The following CADPS2 variants were observed in gnomAD, a reference collection of about 807,000 sequenced individuals.
CADPS2 encodes the protein calcium-dependent secretion activator 2.
In CADPS2, 93 loss-of-function variants were observed where a neutral mutation model predicts 172.5. That is an observed-to-expected ratio of 0.54 (90% confidence interval 0.46 to 0.64). The LOEUF (loss-of-function observed/expected upper bound fraction) is 0.64, where lower values mean the gene tolerates loss of function less well. Ranked by LOEUF, CADPS2 falls within the 30% of genes least tolerant of loss-of-function variation. The probability of loss-of-function intolerance (pLI) is 0.00; values close to 1 mark genes in which losing one functional copy is unlikely to be tolerated. For missense variants in CADPS2, 1,420 were observed against 1,565.9 expected, an observed-to-expected ratio of 0.91 and a Z score of 1.57; for synonymous variants, 546 against 555.2, an observed-to-expected ratio of 0.98 and a Z score of 0.23.
chr7:122,361,131 ACAGCTGAGGT>A, intron 25 of CADPS2, 118 bp from the exon 26 acceptor site: 1 of 762,240 alleles, frequency 1.3e-6, no homozygotes, highest in East Asian at 2.7e-5. Flanking sequence ...GAATGAACTG[ACAGCTGAGGT>A]CAGACTAACT....
At position 122,471,254 on chromosome 7, in the gene CADPS2, TC is replaced by T. The variant is rs1282239870; in HGVS notation, c.2186+120del. 15 of 643,374 alleles carry T rather than the reference TC, an allele frequency of 2.3e-5. No individual in the cohort carries two copies. The East Asian group carries it at 4.0e-4, about 17-fold the overall frequency. 39.9% of individuals were successfully genotyped at this position (643,374 alleles called of 1,614,324 possible). ...TTTTTCTCTGTCGTTTTTTTTTTTT[TC>T]CTTGTAAGAAGTGTTTGCTATTTAC... On this transcript the variant is annotated intron_variant, in intron 14 of 29. Transcript: ENST00000449022.
chr7:122,396,777 A>G (rs1308117257), intron 20 of CADPS2, among the ~76,000 whole-genome samples: 2 of 152,122 alleles, frequency 1.3e-5, no homozygotes, highest in Non-Finnish European at 2.9e-5. Flanking sequence ...TTCTTGTCAT[A>G]CAAGTGGTCT....
At position 122,616,642 on chromosome 7, in the gene CADPS2, G is replaced by T. The variant is rs143081032; in HGVS notation, c.1105-1343C>A. On this transcript the variant is annotated intron_variant, in intron 5 of 29. Transcript: ENST00000449022. ...ATACCAACATATGAATCAAAATCAG[G>T]ACTTAACTGAAAACAGACTAAGAAA... is the stretch of plus-strand genomic sequence containing the variant. Among the ~76,000 whole-genome samples the T allele has an allele frequency of 8.3e-4, 127 of 152,184 alleles. 1 individual carries two copies. The East Asian group carries it at 8.7e-3, about 10-fold the overall frequency.
At chr7:122,705,812 T>A (rs2087104941) in intron 2 of CADPS2, among the ~76,000 whole-genome samples, 1 of 18,946 alleles carries the variant, frequency 5.3e-5, no homozygotes. Flanking sequence ...ATATATATGA[T>A]ATATAATAAT....
chr7:122,339,016 T>C (rs1170250721), intron 28 of CADPS2: 3 of 151,788 alleles, frequency 2.0e-5, no homozygotes, highest in Non-Finnish European at 4.4e-5. Context: ...CATTCTCACG[T>C]TGACCTCTTG....
chr7:122,680,586 C>T (rs970683611), intron 2 of CADPS2, among the ~76,000 whole-genome samples: 4 of 152,074 alleles, frequency 2.6e-5, no homozygotes, highest in African/African-American at 9.7e-5. Context: ...TGGTGGTGCA[C>T]GCCTGTAATC....
chr7:122,842,561 T>A (rs979569062), intron 1 of CADPS2, among the ~76,000 whole-genome samples: 4 of 152,074 alleles, frequency 2.6e-5, no homozygotes, highest in Non-Finnish European at 5.9e-5. Context: ...ACCAACAATA[T>A]GATAATACAG....
intron 7 of CADPS2, among the ~76,000 whole-genome samples, chr7:122,573,187 C>G (rs2067503273): frequency 6.6e-6 from 1 of 152,092 alleles, no homozygotes; most frequent in Non-Finnish European, 1.5e-5. Flanking sequence ...AAAATACTCC[C>G]TCCTTGGCAT....
At chr7:122,644,150 T>C (rs1206701348) in intron 3 of CADPS2, among the ~76,000 whole-genome samples, 1 of 152,088 alleles carries the variant, frequency 6.6e-6, no homozygotes, top group African/African-American at 2.4e-5. Flanking sequence ...AGACTATGAA[T>C]AAGAGAGAAT....
intron 25 of CADPS2, among the ~76,000 whole-genome samples, chr7:122,362,958 A>C (rs932558256): frequency 2.0e-5 from 3 of 152,220 alleles, no homozygotes; most frequent in African/African-American, 7.2e-5. Context: ...ACTGACTGTG[A>C]ACTATAAGTG....
intron 14 of CADPS2, among the ~76,000 whole-genome samples, chr7:122,467,775 A>G (rs1001254597): frequency 6.6e-6 from 1 of 152,192 alleles, no homozygotes; most frequent in African/African-American, 2.4e-5. Flanking sequence ...ACGTATAACC[A>G]CACATATCAA....
At chr7:122,869,487 T>C (rs943474867) in intron 1 of CADPS2, among the ~76,000 whole-genome samples, 1 of 151,852 alleles carries the variant, frequency 6.6e-6, no homozygotes, top group African/African-American at 2.4e-5. Flanking sequence ...AGCAAACCTG[T>C]CCTTCAAAAA....
At chr7:122,653,994 G>A (rs543835746) in intron 3 of CADPS2, among the ~76,000 whole-genome samples, 14 of 152,194 alleles carry the variant, frequency 9.2e-5, no homozygotes, top group South Asian at 8.3e-4. Flanking sequence ...ATGAAGAGTC[G>A]CATATCTCTC....
chr7:122,879,236 CAAAAA>C (rs34464177), intron 1 of CADPS2, among the ~76,000 whole-genome samples: 3 of 80,938 alleles, frequency 3.7e-5, no homozygotes. Context: ...TACTCTGCCT[CAAAAA>C]AAAAAAAAAA....
chr7:122,641,471 T>A (rs745359769), intron 3 of CADPS2, among the ~76,000 whole-genome samples: 1 of 152,218 alleles, frequency 6.6e-6, no homozygotes, highest in Non-Finnish European at 1.5e-5. Flanking sequence ...TAGAGATGCA[T>A]ATTTTTTTCC....
chr7:122,587,260 C>T (rs2069869556), intron 6 of CADPS2, among the ~76,000 whole-genome samples: 1 of 151,972 alleles, frequency 6.6e-6, no homozygotes, highest in Non-Finnish European at 1.5e-5. Context: ...AATACTTTTC[C>T]TCCTCCCATC....
chr7:122,660,770 A>C (rs1214632835), intron 3 of CADPS2, among the ~76,000 whole-genome samples: 1 of 151,996 alleles, frequency 6.6e-6, no homozygotes, highest in Non-Finnish European at 1.5e-5. Context: ...TTAGCCAGGC[A>C]TGGTGGTGTG....
chr7:122,464,342 T>A (rs2152113853), intron 14 of CADPS2, among the ~76,000 whole-genome samples: 1 of 152,294 alleles, frequency 6.6e-6, no homozygotes, highest in East Asian at 1.9e-4. Flanking sequence ...CAACTGCACA[T>A]GAATCTATAC....
intron 1 of CADPS2, among the ~76,000 whole-genome samples, chr7:122,843,644 GT>G (rs1412500110): frequency 6.6e-6 from 1 of 152,178 alleles, no homozygotes; most frequent in Non-Finnish European, 1.5e-5. Flanking sequence ...CAAAAGAAAG[GT>G]AATTTCACCA....
Sources: gnomAD v4.1 joint callset for allele counts (sites outside exome capture counted in the v4.1 genomes callset) on GRCh38, gnomAD v4.1.1 for gene constraint, MANE v1.5 for transcripts, NCBI Gene and HGNC (gene_info 2026-07-23, HGNC 2026-07-21) for gene names.